TKTL1: variants seen among roughly 807,000 people sequenced by gnomAD.
TKTL1 encodes transketolase like 1.
Under a neutral mutation model 39.3 loss-of-function variants are expected in TKTL1, and 1 was observed. The ratio of observed to expected loss-of-function variants is 0.03; its 90% CI spans 0.01 to 0.12. TKTL1 has a LOEUF of 0.12. Ranked by LOEUF, TKTL1 falls within the 10% of genes least tolerant of loss-of-function variation. The pLI is 1.00. For missense variants in TKTL1, 575 were observed against 509.6 expected, an observed-to-expected ratio of 1.13 and a Z score of -1.24; for synonymous variants, 262 against 193.8, an observed-to-expected ratio of 1.35 and a Z score of -2.92.
intron 2 of TKTL1, among the ~76,000 whole-genome samples, chrX:154,308,257 T>G (rs782077692): frequency 1.7e-4 from 19 of 110,658 alleles, no homozygotes; most frequent in African/African-American, 6.3e-4. Context: ...GGCAGGAGAG[T>G]GAGCTGTGCC....
In TKTL1 at chrX:154,320,768, T is replaced by A; in HGVS notation, c.1041T>A (p.Ala347=). The A allele has an allele frequency of 8.3e-7, 1 of 1,211,708 alleles. No homozygotes were observed. Residue 347 remains alanine (A), a synonymous_variant, in exon 8 of 13, where the codon GCT becomes GCA. Coordinates refer to ENST00000369915, the MANE Select transcript of TKTL1 (RefSeq NM_012253.4). ...TCTCTGTGCTGCAGGTGAGCGTGGC[T>A]CTGGGCTGTGCCTCCCGTGGACGGA... ...FMAEQNMVSV[A]LGCASRGRTI...
At chrX:154,318,590 C>T (rs2067422317) in intron 7 of TKTL1, among the ~76,000 whole-genome samples, 1 of 107,557 alleles carries the variant, frequency 9.3e-6, no homozygotes, top group African/African-American at 3.4e-5. Context: ...TGCCTGTAGT[C>T]CCAGCTACTC....
At chrX:154,318,208 C>T (rs1188345114) in intron 7 of TKTL1, among the ~76,000 whole-genome samples, 4 of 110,731 alleles carry the variant, frequency 3.6e-5, no homozygotes, top group South Asian at 3.8e-4. Context: ...AGCTGGGAGC[C>T]GCCATGCTTG....
At chrX:154,322,871 A>G (rs1557171161) in intron 8 of TKTL1, among the ~76,000 whole-genome samples, 4 of 111,877 alleles carry the variant, frequency 3.6e-5, no homozygotes, top group African/African-American at 9.8e-5. Flanking sequence ...GGACCTTCCT[A>G]AAGAGAACGG....
rs781811595 is a variant in TKTL1 at position 154,302,190 on chromosome X, C to T, written c.135-3114C>T. Among the ~76,000 whole-genome samples the T allele has an allele frequency of 9.0e-5, 10 of 111,132 alleles. No homozygotes were observed. The South Asian group carries it at 3.0e-3, about 33-fold the overall frequency. ...TTCCAGATGTTCTGGTTGACCCATTCCTCTTTCTTTTTTTTTTGCAAAACA... is the reference window on the plus strand; with the variant it reads ...TTCCAGATGTTCTGGTTGACCCATTTCTCTTTCTTTTTTTTTTGCAAAACA... On this transcript the variant is annotated intron_variant, in intron 1 of 12. Coordinates refer to ENST00000369915, the MANE Select transcript of TKTL1 (RefSeq NM_012253.4).
chrX:154,304,126 T>TA (rs2067296784), intron 1 of TKTL1, among the ~76,000 whole-genome samples: 1 of 110,063 alleles, frequency 9.1e-6, no homozygotes, highest in Middle Eastern at 4.6e-3. Flanking sequence ...GATTTCCAAT[T>TA]ACTTCCTTCT....
chrX:154,312,545 T>C (rs782418452), intron 5 of TKTL1, 35 bp from the exon 6 acceptor site: 175 of 1,179,059 alleles, frequency 1.5e-4, no homozygotes, highest in Middle Eastern at 2.4e-4. Flanking sequence ...ACTAAATATT[T>C]ATGGAATGGA....
intron 1 of TKTL1, among the ~76,000 whole-genome samples, chrX:154,297,253 T>G (rs868989418): frequency 2.8e-5 from 3 of 106,209 alleles, no homozygotes; most frequent in East Asian, 3.0e-4. Context: ...GTTTTTTTTG[T>G]TTTTTTTTTC....
In TKTL1 at chrX:154,304,987, C is replaced by T. The variant is rs782173574; in HGVS notation, c.135-317C>T. 1.1e-3 allele frequency: 1,147 copies of T among 1,018,628 alleles called. 2 individuals carry two copies. Among genetic ancestry groups the T allele is most frequent in the Non-Finnish European group, 1.4e-3 (1,114 of 778,222 alleles). 83.9% of individuals were successfully genotyped at this position (1,018,628 alleles called of 1,213,427 possible). ...CTGATTCACAATGCTCCTGAAAGTTCCTCGGCATGTGGAAAGGCCACAGAT... is the reference window on the plus strand; with the variant it reads ...CTGATTCACAATGCTCCTGAAAGTTTCTCGGCATGTGGAAAGGCCACAGAT... On this transcript the variant is annotated intron_variant, in intron 1 of 12. Coordinates refer to ENST00000369915, the MANE Select transcript of TKTL1 (RefSeq NM_012253.4).
chrX:154,299,195 G>C (rs1484378356), intron 1 of TKTL1, among the ~76,000 whole-genome samples: 2 of 46,934 alleles, frequency 4.3e-5, no homozygotes, highest in Non-Finnish European at 3.6e-5. Flanking sequence ...TGCTTTTGTT[G>C]CCCAGGCTGG....
intron 1 of TKTL1, among the ~76,000 whole-genome samples, chrX:154,304,326 C>G (rs782115176): frequency 1.1e-4 from 12 of 111,185 alleles, no homozygotes; most frequent in Admixed American, 9.5e-4. Flanking sequence ...AGGAGAATGT[C>G]CACGCCAGCC....
chrX:154,326,451 G>T (rs1434508302), intron 10 of TKTL1, among the ~76,000 whole-genome samples: 2 of 112,472 alleles, frequency 1.8e-5, no homozygotes, highest in Non-Finnish European at 3.8e-5. Flanking sequence ...AGAAAGGTTT[G>T]CCCATAGCCA....
chrX:154,295,807 T>G lies in TKTL1; in HGVS notation c.-53T>G. On this transcript the variant is annotated 5_prime_UTR_variant, in exon 1 of 13. Transcript: ENST00000369915. ...GCAGCTCGCAGGCGCCATTCGCTCTTCAGACGCCGGAGACGTAGGAGTGGG... is the reference window on the plus strand; with the variant it reads ...GCAGCTCGCAGGCGCCATTCGCTCTGCAGACGCCGGAGACGTAGGAGTGGG... The G allele has an allele frequency of 8.4e-7, 1 of 1,188,109 alleles. No homozygotes were observed. The highest frequency in any genetic ancestry group is 1.1e-6 in the Non-Finnish European group (1 of 881,820).
At chrX:154,297,573 G>A (rs2067240683) in intron 1 of TKTL1, among the ~76,000 whole-genome samples, 1 of 111,631 alleles carries the variant, frequency 9.0e-6, no homozygotes. Context: ...TAGTTTTGTT[G>A]TAGTATTTGC....
chrX:154,303,340 G>A (rs1161323174), intron 1 of TKTL1, among the ~76,000 whole-genome samples: 5 of 94,487 alleles, frequency 5.3e-5, no homozygotes, highest in Non-Finnish European at 1.0e-4. Flanking sequence ...AGCCTCCCAA[G>A]TAGCTTGAAC....
At chrX:154,321,116 GT>G (rs1239301136) in intron 8 of TKTL1, among the ~76,000 whole-genome samples, 1 of 105,887 alleles carries the variant, frequency 9.4e-6, no homozygotes, top group East Asian at 3.0e-4. Flanking sequence ...TGGTACTGTT[GT>G]TTCAGACAGT....
intron 8 of TKTL1, among the ~76,000 whole-genome samples, chrX:154,321,280 G>A (rs1557170735): frequency 9.1e-6 from 1 of 109,671 alleles, no homozygotes; most frequent in African/African-American, 3.3e-5. Flanking sequence ...GGAGCATTCT[G>A]GCTGGCTGCA....
chrX:154,297,581 T>A (rs1027544854), intron 1 of TKTL1, among the ~76,000 whole-genome samples: 14 of 111,809 alleles, frequency 1.3e-4, no homozygotes, highest in African/African-American at 4.6e-4. Flanking sequence ...TTGTAGTATT[T>A]GCTTTTGGTA....
At chrX:154,310,177 C>T (rs1465273506) in intron 3 of TKTL1, among the ~76,000 whole-genome samples, 3 of 110,831 alleles carry the variant, frequency 2.7e-5, no homozygotes, top group African/African-American at 3.3e-5. Flanking sequence ...CAGGTGGCGG[C>T]GGGAGGCGGT....
Sources: gnomAD v4.1 joint callset for allele counts (sites outside exome capture counted in the v4.1 genomes callset) on GRCh38, gnomAD v4.1.1 for gene constraint, MANE v1.5 for transcripts, NCBI Gene and HGNC (gene_info 2026-07-23, HGNC 2026-07-21) for gene names.